The following MAGI1 variants were observed in gnomAD, a reference collection of about 807,000 sequenced individuals.
MAGI1 encodes membrane associated guanylate kinase, WW and PDZ domain containing 1.
MAGI1 carries 58 observed loss-of-function variants against 139.9 expected under a neutral mutation model. The observed-to-expected ratio is 0.41, with a 90% CI of 0.34 to 0.52. The LOEUF is 0.52. Among genes scored for constraint, MAGI1 ranks in the 20% least tolerant of loss-of-function variants. The probability of loss-of-function intolerance (pLI) is 0.12; values close to 1 mark genes in which losing one functional copy is unlikely to be tolerated. For missense variants in MAGI1, 1,874 were observed against 1,901.6 expected, an observed-to-expected ratio of 0.99 and a Z score of 0.27; for synonymous variants, 812 against 737.9, an observed-to-expected ratio of 1.10 and a Z score of -1.63.
intron 5 of MAGI1, among the ~76,000 whole-genome samples, chr3:65,457,109 AT>A (rs1949449311): frequency 6.6e-6 from 1 of 152,196 alleles, no homozygotes; most frequent in Admixed American, 6.5e-5. Flanking sequence ...CAGAAATTAC[AT>A]TAAACCTGTA....
chr3:65,641,132 G>A (rs971845035), intron 1 of MAGI1, among the ~76,000 whole-genome samples: 25 of 151,922 alleles, frequency 1.6e-4, no homozygotes, highest in Non-Finnish European at 5.9e-5. Flanking sequence ...AGGTGATGGT[G>A]ACTGAGAGCT....
At chr3:65,816,051 G>A (rs2041581348) in intron 1 of MAGI1, among the ~76,000 whole-genome samples, 1 of 152,172 alleles carries the variant, frequency 6.6e-6, no homozygotes, top group African/African-American at 2.4e-5. Flanking sequence ...AAAGTTGGCA[G>A]CTGATTGGAA....
At position 65,783,007 on chromosome 3, in the gene MAGI1, C is replaced by A. The variant is rs571893872; in HGVS notation, c.314-160919G>T. ...ACCTTTAAAAACAAAACAACAACAA[C>A]AAAAAAAAGAAGAAAAAAGAGAAGT... On this transcript the variant is annotated intron_variant, in intron 1 of 22. Transcript: ENST00000402939. Among the ~76,000 whole-genome samples, 764 of 148,184 alleles carry A rather than the reference C, an allele frequency of 5.2e-3. 3 individuals carry two copies. Among genetic ancestry groups the A allele is most frequent in the Non-Finnish European group, 7.7e-3 (516 of 66,812 alleles).
intron 13 of MAGI1, among the ~76,000 whole-genome samples, chr3:65,393,677 C>T (rs1944121867): frequency 6.6e-6 from 1 of 152,160 alleles, no homozygotes; most frequent in South Asian, 2.1e-4. Flanking sequence ...GGACCACTCT[C>T]TTTTGGTTCC....
chr3:65,438,795 A>C (rs749752140), intron 9 of MAGI1, among the ~76,000 whole-genome samples: 13 of 152,234 alleles, frequency 8.5e-5, no homozygotes, highest in Non-Finnish European at 1.8e-4. Context: ...TACAGTGCCC[A>C]TAAAGTTTTA....
intron 1 of MAGI1, among the ~76,000 whole-genome samples, chr3:65,646,249 T>C (rs1456639174): frequency 2.0e-5 from 3 of 152,090 alleles, no homozygotes; most frequent in Admixed American, 6.5e-5. Flanking sequence ...AGAAATGCTA[T>C]GTTAATATCA....
At chr3:65,926,365 CT>C in intron 1 of MAGI1, among the ~76,000 whole-genome samples, 1 of 151,480 alleles carries the variant, frequency 6.6e-6, no homozygotes, top group African/African-American at 2.4e-5. Context: ...CTCTCTCTCT[CT>C]CTCCCTCTTT....
At chr3:65,883,026 T>G (rs1185950434) in intron 1 of MAGI1, among the ~76,000 whole-genome samples, 4 of 151,628 alleles carry the variant, frequency 2.6e-5, no homozygotes, top group Non-Finnish European at 5.9e-5. Context: ...CAGTCAGGTA[T>G]CTTAGCTGCC....
chr3:65,959,397 T>C (rs1179448281), intron 1 of MAGI1, among the ~76,000 whole-genome samples: 1 of 152,084 alleles, frequency 6.6e-6, no homozygotes. Context: ...CATCACTGAT[T>C]CCCCAGGGCA....
Position 65,995,288 on chromosome 3 carries a change from G to C in MAGI1, c.313+42708C>G, listed in dbSNP as rs17074245. On this transcript the variant is annotated intron_variant, in intron 1 of 22. Coordinates refer to ENST00000402939, the MANE Select transcript of MAGI1 (RefSeq NM_001033057.2). Reference sequence around the variant, plus strand: ...TGCAATATGGTCTAGAGATGGACTTGTTACACAATGGTGCTGTCCAGAGGA... The same window carrying C: ...TGCAATATGGTCTAGAGATGGACTTCTTACACAATGGTGCTGTCCAGAGGA... Among the ~76,000 whole-genome samples, 1,440 of 152,292 alleles carry C rather than the reference G, an allele frequency of 9.5e-3. 30 individuals carry two copies. Among genetic ancestry groups the C allele is most frequent in the African/African-American group, 0.033 (1,379 of 41,552 alleles).
chr3:65,858,312 C>T (rs140354590), intron 1 of MAGI1, among the ~76,000 whole-genome samples: 5 of 152,142 alleles, frequency 3.3e-5, no homozygotes, highest in African/African-American at 7.2e-5. Flanking sequence ...TGACATAATA[C>T]GAAGTGATGT....
At chr3:65,775,463 AT>A (rs3077784) in intron 1 of MAGI1, among the ~76,000 whole-genome samples, 4 of 112,966 alleles carry the variant, frequency 3.5e-5, no homozygotes, top group Admixed American at 1.1e-4. Context: ...AAAAAAAAAA[AT>A]TTTTTTAAGT....
chr3:65,681,275 G>A (rs1302915630), intron 1 of MAGI1, among the ~76,000 whole-genome samples: 1 of 151,994 alleles, frequency 6.6e-6, no homozygotes, highest in Non-Finnish European at 1.5e-5. Flanking sequence ...CAAAGACCTG[G>A]GTCTCATTTA....
At chr3:65,958,249 T>C (rs768120101) in intron 1 of MAGI1, among the ~76,000 whole-genome samples, 2 of 152,162 alleles carry the variant, frequency 1.3e-5, no homozygotes, top group Admixed American at 6.5e-5. Flanking sequence ...CAGGAAAAAA[T>C]AGGTACAGTG....
At chr3:65,496,836 T>C (rs973042989) in intron 2 of MAGI1, among the ~76,000 whole-genome samples, 4 of 152,148 alleles carry the variant, frequency 2.6e-5, no homozygotes, top group Non-Finnish European at 4.4e-5. Context: ...TTTTAAAAAG[T>C]ATGTCAGCTC....
chr3:65,831,693 A>G (rs1417745550), intron 1 of MAGI1, among the ~76,000 whole-genome samples: 1 of 152,244 alleles, frequency 6.6e-6, no homozygotes, highest in Non-Finnish European at 1.5e-5. Flanking sequence ...AAAAAATTCC[A>G]CATAGATTTT....
In MAGI1 at chr3:65,356,714, C is replaced by T; in HGVS notation, c.4053G>A (p.Pro1351=). ...EKHEKRRDVS[P]ERRRERSPTR... ...TGGGTGACCGCTCTCGCCTCCGCTCCGGAGAGACGTCTCGTCTCTTCTCGT... is the reference window on the plus strand; with the variant it reads ...TGGGTGACCGCTCTCGCCTCCGCTCTGGAGAGACGTCTCGTCTCTTCTCGT... Residue 1351 remains proline, a synonymous_variant, in exon 23 of 23, where the codon CCG becomes CCA. Transcript: ENST00000402939. The T allele has an allele frequency of 6.3e-7, 1 of 1,593,290 alleles. No homozygotes were observed. The highest frequency in any genetic ancestry group is 1.1e-5 in the South Asian group (1 of 87,188).
At chr3:65,603,286 A>G (rs67087545) in intron 2 of MAGI1, among the ~76,000 whole-genome samples, 9,017 of 152,238 alleles carry the variant, frequency 0.059, 277 homozygotes, top group African/African-American at 0.082. Flanking sequence ...AATAATTAGA[A>G]AAAGATCTCA....
chr3:65,530,444 T>C (rs2078590710), intron 2 of MAGI1, among the ~76,000 whole-genome samples: 1 of 151,412 alleles, frequency 6.6e-6, no homozygotes, highest in African/African-American at 2.4e-5. Flanking sequence ...TGAGACCCCG[T>C]CTCTACAAAA....
Sources: gnomAD v4.1 joint callset for allele counts (sites outside exome capture counted in the v4.1 genomes callset) on GRCh38, gnomAD v4.1.1 for gene constraint, MANE v1.5 for transcripts, NCBI Gene and HGNC (gene_info 2026-07-23, HGNC 2026-07-21) for gene names.